The following PRKCH variants were observed in gnomAD, a reference collection of about 807,000 sequenced individuals.
PRKCH encodes protein kinase C eta.
In PRKCH, 28 loss-of-function variants were observed where a neutral mutation model predicts 82.5. The ratio of observed to expected loss-of-function variants is 0.34; its 90% CI spans 0.25 to 0.47. PRKCH has a LOEUF of 0.47. PRKCH is among the 20% of genes least tolerant of loss of function. The pLI is 1.00. For missense variants in PRKCH, 705 were observed against 881.8 expected, an observed-to-expected ratio of 0.80 and a Z score of 2.54; for synonymous variants, 322 against 327.4, an observed-to-expected ratio of 0.98 and a Z score of 0.18.
intron 1 of PRKCH, among the ~76,000 whole-genome samples, chr14:61,236,692 G>A: frequency 9.7e-6 from 1 of 103,404 alleles, no homozygotes; most frequent in Non-Finnish European, 1.8e-5. Context: ...GGGCGACAGA[G>A]AAGACCCTGT....
At chr14:61,481,047 G>A (rs1885949095) in intron 9 of PRKCH, among the ~76,000 whole-genome samples, 1 of 152,030 alleles carries the variant, frequency 6.6e-6, no homozygotes, top group Admixed American at 6.6e-5. Flanking sequence ...CTGCTCAGAT[G>A]CCCTGCTCGG....
At chr14:61,426,118 A>G (rs924421542) in intron 2 of PRKCH, among the ~76,000 whole-genome samples, 1 of 152,218 alleles carries the variant, frequency 6.6e-6, no homozygotes, top group Non-Finnish European at 1.5e-5. Context: ...GAACAGACTA[A>G]TACAATAACC....
chr14:61,316,821 G>A (rs2045565041), upstream of PRKCH, among the ~76,000 whole-genome samples: 1 of 152,202 alleles, frequency 6.6e-6, no homozygotes, highest in South Asian at 2.1e-4. Flanking sequence ...GGGCTGTTAA[G>A]CTGGGAATGT....
chr14:61,271,524 G>A (rs2045154017), intron 1 of PRKCH, among the ~76,000 whole-genome samples: 1 of 152,198 alleles, frequency 6.6e-6, no homozygotes, highest in Admixed American at 6.5e-5. Flanking sequence ...AAAATTAGAG[G>A]ATGAGAAGTT....
chr14:61,286,633 G>A (rs367717997), intron 1 of PRKCH, among the ~76,000 whole-genome samples: 3 of 151,934 alleles, frequency 2.0e-5, no homozygotes, highest in South Asian at 2.1e-4. Context: ...AAAATTAGCC[G>A]GGTATGGTGG....
At chr14:61,409,067 A>G (rs921863742) in intron 2 of PRKCH, among the ~76,000 whole-genome samples, 1 of 152,228 alleles carries the variant, frequency 6.6e-6, no homozygotes, top group Non-Finnish European at 1.5e-5. Context: ...TCTGCCCACC[A>G]GAGCCAATGT....
chr14:61,339,072 C>T (rs1176102035), intron 1 of PRKCH, among the ~76,000 whole-genome samples: 2 of 152,050 alleles, frequency 1.3e-5, no homozygotes, highest in African/African-American at 4.8e-5. Context: ...GAGGCCTCCC[C>T]ACCACTTTCC....
At chr14:61,466,315 A>G (rs1218408091) in intron 9 of PRKCH, among the ~76,000 whole-genome samples, 1 of 152,202 alleles carries the variant, frequency 6.6e-6, no homozygotes, top group Non-Finnish European at 1.5e-5. Flanking sequence ...GGCCTAGTAC[A>G]TGCTGTCTCC....
At chr14:61,200,411 T>TGTGTGTGTGTG (rs1555368618) in intron 1 of PRKCH, among the ~76,000 whole-genome samples, 1 of 145,730 alleles carries the variant, frequency 6.9e-6, no homozygotes, top group African/African-American at 2.7e-5. Context: ...GTGTGTGTGT[T>TGTGTGTGTGTG]TGTGTGTTAC....
chr14:61,534,455 G>T (rs1442973674), intron 12 of PRKCH, among the ~76,000 whole-genome samples: 1 of 152,142 alleles, frequency 6.6e-6, no homozygotes, highest in Non-Finnish European at 1.5e-5. Context: ...AGAATTTTGT[G>T]TCCACCTAAG....
At chr14:61,331,979 T>C (rs1194949867) in intron 1 of PRKCH, among the ~76,000 whole-genome samples, 1 of 152,252 alleles carries the variant, frequency 6.6e-6, no homozygotes, top group Admixed American at 6.5e-5. Flanking sequence ...GCAATACATT[T>C]CAAGCCATGC....
intron 13 of PRKCH, among the ~76,000 whole-genome samples, chr14:61,548,705 C>CA (rs397960743): frequency 0.31 from 44,090 of 143,792 alleles, 8,431 homozygotes; most frequent in East Asian, 0.56. Flanking sequence ...ACTAAAAATA[C>CA]AAAAAAAAAA....
At chr14:61,390,904 A>G (rs2046668906) in intron 1 of PRKCH, 2 of 230,260 alleles carry the variant, frequency 8.7e-6, no homozygotes, top group Non-Finnish European at 1.7e-5. Context: ...CTGCTCTTAT[A>G]AGCCATATGC....
chr14:61,367,868 C>T (rs1566841539), intron 1 of PRKCH, among the ~76,000 whole-genome samples: 1 of 151,868 alleles, frequency 6.6e-6, no homozygotes, highest in Admixed American at 6.5e-5. Context: ...GAGCCCACCA[C>T]CACGCCCGGC....
intron 1 of PRKCH, among the ~76,000 whole-genome samples, chr14:61,270,607 A>G (rs2045142894): frequency 6.6e-6 from 1 of 152,246 alleles, no homozygotes; most frequent in Non-Finnish European, 1.5e-5. Context: ...GCAAATGCTT[A>G]GGAATGAATT....
Position 61,322,219 on chromosome 14 carries a change from C to G in PRKCH, c.118C>G (p.Leu40Val), listed in dbSNP as rs372517762. Residue 40 changes from leucine to valine, a missense_variant, in exon 1 of 14, where the codon CTG (leucine) becomes GTG (valine). Leu to Val is a conservative substitution (Grantham distance 32). Coordinates refer to ENST00000332981, the MANE Select transcript of PRKCH (RefSeq NM_006255.5). ...RHSLFKKGHQ[L>V]LDPYLTVSVD... ...CTCGCTCTTCAAGAAGGGCCACCAG[C>G]TGCTGGACCCCTATCTGACGGTGAG... 2.0e-5 allele frequency: 32 copies of G among 1,613,338 alleles called. No homozygotes were observed. Among genetic ancestry groups the G allele is most frequent in the Non-Finnish European group, 2.5e-5 (30 of 1,179,848 alleles).
At chr14:61,247,651 G>C (rs923499496) in intron 1 of PRKCH, among the ~76,000 whole-genome samples, 1 of 135,680 alleles carries the variant, frequency 7.4e-6, no homozygotes, top group African/African-American at 2.7e-5. Context: ...CAGGAGAATC[G>C]CTTGAACCCT....
rs2140008367 is a variant in PRKCH at position 61,530,654 on chromosome 14, C to T, written c.1761+59C>T. The T allele has an allele frequency of 6.7e-6, 10 of 1,494,610 alleles. No individual in the cohort carries two copies. In the South Asian group the frequency reaches 1.4e-4, roughly 20 times the overall value. The allele number at this position is 1,494,610 out of a possible 1,614,324, so 92.6% of individuals were successfully genotyped here. A position where few individuals can be genotyped will look rare whatever the true frequency, so the allele number is the denominator to read the frequency against. ...ATTGCAAACCAGCTTGTTTCATGTG[C>T]TGCTTGAGTCTTTTCAGTACTTCCC... On this transcript the variant is annotated intron_variant, in intron 12 of 13. Transcript: ENST00000332981.
intron 9 of PRKCH, among the ~76,000 whole-genome samples, chr14:61,483,597 T>A (rs549830192): frequency 6.6e-6 from 1 of 152,202 alleles, no homozygotes; most frequent in South Asian, 2.1e-4. Context: ...GCATAGGAGG[T>A]CATAAGCCGT....
Sources: gnomAD v4.1 joint callset for allele counts (sites outside exome capture counted in the v4.1 genomes callset) on GRCh38, gnomAD v4.1.1 for gene constraint, MANE v1.5 for transcripts, NCBI Gene and HGNC (gene_info 2026-07-23, HGNC 2026-07-21) for gene names.